Variants in RANBP3 observed in about 807,000 individuals in gnomAD.
The protein encoded by RANBP3 is RAN binding protein 3.
Under a neutral mutation model 77.3 loss-of-function variants are expected in RANBP3, and 14 were observed. That is an observed-to-expected ratio of 0.18 (90% CI 0.12 to 0.28). RANBP3 has a LOEUF of 0.28. Ranked by LOEUF, RANBP3 falls within the 10% of genes least tolerant of loss-of-function variation. RANBP3 has a pLI of 1.00. For missense variants in RANBP3, 586 were observed against 752.3 expected, an observed-to-expected ratio of 0.78 and a Z score of 2.59; for synonymous variants, 315 against 312.4, an observed-to-expected ratio of 1.01 and a Z score of -0.09.
chr19:5,977,931 G>T (rs2058616928), intron 1 of RANBP3, 130 bp downstream of exon 1: 4 of 1,240,076 alleles, frequency 3.2e-6, no homozygotes, highest in South Asian at 1.7e-5. Flanking sequence ...TGCAAGGCCC[G>T]CCACGGCGCT....
At chr19:5,932,127 C>T (rs117928369) in intron 7 of RANBP3, among the ~76,000 whole-genome samples, 2 of 152,302 alleles carry the variant, frequency 1.3e-5, no homozygotes, top group Non-Finnish European at 2.9e-5. Flanking sequence ...TCTGCAAACA[C>T]ACAGGGATAA....
chr19:5,960,840 A>C (rs2058391044), intron 1 of RANBP3, among the ~76,000 whole-genome samples: 1 of 152,124 alleles, frequency 6.6e-6, no homozygotes, highest in African/African-American at 2.4e-5. Flanking sequence ...GGCAGGGCTG[A>C]GGGGCATGGG....
At chr19:5,948,895 C>G (rs2058241159) in intron 3 of RANBP3, among the ~76,000 whole-genome samples, 1 of 152,154 alleles carries the variant, frequency 6.6e-6, no homozygotes, top group East Asian at 1.9e-4. Flanking sequence ...CCTGCTTTCT[C>G]CACATCAAAC....
intron 3 of RANBP3, among the ~76,000 whole-genome samples, chr19:5,945,703 G>A (rs373091307): frequency 2.0e-5 from 3 of 152,056 alleles, no homozygotes; most frequent in South Asian, 2.1e-4. Flanking sequence ...TTTGCTTTGC[G>A]TATTTTGGGG....
rs761672171 is a variant in RANBP3, at chr19:5,941,754, GTCTT to G, written c.319+41_319+44del. 4 of 1,612,490 alleles carry G rather than the reference GTCTT, an allele frequency of 2.5e-6. No individual in the cohort carries two copies. The African/African-American group carries it at 4.0e-5, about 16-fold the overall frequency. On this transcript the variant is annotated intron_variant, in intron 4 of 16. Transcript: ENST00000340578. ...GGAGGAGAAAAATCAGGTTGCTTCT[GTCTT>G]TAAAACTGAAGATGGTCAAAGGTGT...
At chr19:5,956,275 G>A (rs972008075) in intron 2 of RANBP3, among the ~76,000 whole-genome samples, 1 of 152,112 alleles carries the variant, frequency 6.6e-6, no homozygotes, top group Admixed American at 6.5e-5. Flanking sequence ...AACACCTGAG[G>A]AATGACTATA....
chr19:5,930,173 C>T (rs2057969896), intron 8 of RANBP3, among the ~76,000 whole-genome samples: 1 of 152,238 alleles, frequency 6.6e-6, no homozygotes, highest in African/African-American at 2.4e-5. Context: ...GAACTGCACA[C>T]CTGATCTGCT....
At chr19:5,968,448 G>A (rs985214578) in intron 1 of RANBP3, among the ~76,000 whole-genome samples, 1 of 152,226 alleles carries the variant, frequency 6.6e-6, no homozygotes, top group African/African-American at 2.4e-5. Flanking sequence ...TGCACATGCC[G>A]TGTTTGGGGA....
In RANBP3 at chr19:5,952,238, A is replaced by T. The variant is rs975702867; in HGVS notation, c.79-642T>A. ...GACACTGAGAGCTGGTTTTTGCATCAGTGGCAGGCGGGTAGTTCAGATGAA... is the reference window on the plus strand; with the variant it reads ...GACACTGAGAGCTGGTTTTTGCATCTGTGGCAGGCGGGTAGTTCAGATGAA... On this transcript the variant is annotated intron_variant, in intron 2 of 16. Coordinates refer to ENST00000340578, the MANE Select transcript of RANBP3 (RefSeq NM_007322.3). This position sits in a 1 kb window ranked among gnomAD's most constrained non-coding sequence, Gnocchi z 4.1. 6.6e-5 allele frequency among the ~76,000 whole-genome samples: 10 copies of T among 152,166 alleles called. No homozygotes were observed. Among genetic ancestry groups the T allele is most frequent in the African/African-American group, 1.2e-4 (5 of 41,426 alleles).
rs2058366624 is a variant in RANBP3, at chr19:5,958,855, C to T, written c.23-882G>A. ...GGGCACTGAGGGCCTAGCGTGGAGG[C>T]CAAGCAAGAGCAGCTGTGACTCTGG... On this transcript the variant is annotated intron_variant, in intron 1 of 16. Transcript: ENST00000340578. The surrounding 1 kb of genome is among the most constrained non-coding windows in gnomAD (Gnocchi z 4.4). 6.6e-6 allele frequency among the ~76,000 whole-genome samples: 1 copy of T among 152,272 alleles called. No individual in the cohort carries two copies. Among genetic ancestry groups the T allele is most frequent in the Non-Finnish European group, 1.5e-5 (1 of 68,048 alleles).
At chr19:5,969,719 C>T (rs548548748) in intron 1 of RANBP3, among the ~76,000 whole-genome samples, 43 of 152,368 alleles carry the variant, frequency 2.8e-4, no homozygotes, top group East Asian at 1.9e-3. Context: ...TCCATGGCCT[C>T]GGGCTTCAGC....
rs571975679 is a variant in RANBP3, at chr19:5,933,333, C to T, written c.472+81G>A. 29 of 1,136,154 alleles carry T rather than the reference C, an allele frequency of 2.6e-5. No individual in the cohort carries two copies. The African/African-American group carries it at 4.1e-4, about 16-fold the overall frequency. The allele number at this position is 1,136,154 out of a possible 1,614,324, so 70.4% of individuals were successfully genotyped here. ...ATCTTTCTAGAAAGCAGGCTGAGCC[C>T]GCGGTGCCCTGGTGTGGCCTAGCAG... is the stretch of plus-strand genomic sequence containing the variant. On this transcript the variant is annotated intron_variant, in intron 6 of 16. Coordinates refer to ENST00000340578, the MANE Select transcript of RANBP3 (RefSeq NM_007322.3).
chr19:5,965,648 G>A (rs1568480143), intron 1 of RANBP3: 1 of 152,250 alleles, frequency 6.6e-6, no homozygotes, highest in Non-Finnish European at 1.5e-5. Flanking sequence ...GCAAGGAGCT[G>A]GGCTGAACCC....
At chr19:5,966,720 G>T (rs1046768960) in intron 1 of RANBP3, among the ~76,000 whole-genome samples, 1 of 152,236 alleles carries the variant, frequency 6.6e-6, no homozygotes, top group Non-Finnish European at 1.5e-5. Context: ...ATATAAGAGA[G>T]AATCTGGAAT....
chr19:5,946,684 C>G (rs1482567821), intron 3 of RANBP3, among the ~76,000 whole-genome samples: 1 of 152,240 alleles, frequency 6.6e-6, no homozygotes, highest in Non-Finnish European at 1.5e-5. Context: ...CCTCCACACC[C>G]TGCACCTTGC....
chr19:5,934,574 C>T (rs2058039145), intron 5 of RANBP3: 1 of 152,242 alleles, frequency 6.6e-6, no homozygotes, highest in South Asian at 2.1e-4. Flanking sequence ...TGGCTCATGC[C>T]TGTAATCCCA....
At chr19:5,947,258 G>A (rs532598257) in intron 3 of RANBP3, among the ~76,000 whole-genome samples, 11 of 150,358 alleles carry the variant, frequency 7.3e-5, no homozygotes, top group African/African-American at 2.0e-4. Flanking sequence ...AGCTTGCAGT[G>A]AGCCCAGATG....
At position 5,924,101 on chromosome 19, in the gene RANBP3, C is replaced by T. The variant is rs887666270; in HGVS notation, c.997-187G>A. On this transcript the variant is annotated intron_variant, in intron 11 of 16. Coordinates refer to ENST00000340578, the MANE Select transcript of RANBP3 (RefSeq NM_007322.3). This position sits in a 1 kb window ranked among gnomAD's most constrained non-coding sequence, Gnocchi z 4.7. ...CTCAGGCATCACTACGGGGTGAGTG[C>T]CACCAGCCGACAGTCCCCTCGAGCC... is the stretch of plus-strand genomic sequence containing the variant. Among the ~76,000 whole-genome samples, 1 of 152,164 alleles carries T rather than the reference C, an allele frequency of 6.6e-6. No homozygotes were observed. The highest frequency in any genetic ancestry group is 2.4e-5 in the African/African-American group (1 of 41,428).
chr19:5,923,921 G>A lies in RANBP3; in HGVS notation c.997-7C>T, dbSNP rs1214703930. The A allele has an allele frequency of 9.3e-6, 15 of 1,606,370 alleles. No homozygotes were observed. The highest frequency in any genetic ancestry group is 1.1e-5 in the Non-Finnish European group (13 of 1,173,182). ...CGTTTAATTTTGGGGGGCTCTGCAG[G>A]GACACAAAAGCATACAAGGAAGAGG... is the stretch of plus-strand genomic sequence containing the variant. On this transcript the variant is annotated splice_polypyrimidine_tract_variant and splice_region_variant and intron_variant, in intron 11 of 16. Transcript: ENST00000340578.
Sources: gnomAD v4.1 joint callset for allele counts (sites outside exome capture counted in the v4.1 genomes callset) on GRCh38, gnomAD v4.1.1 for gene constraint, Gnocchi (gnomAD v3.1) non-coding constraint, MANE v1.5 for transcripts, NCBI Gene and HGNC (gene_info 2026-07-23, HGNC 2026-07-21) for gene names.